AMD1: variants seen among roughly 807,000 people sequenced by gnomAD.
The protein encoded by AMD1 is S-adenosylmethionine decarboxylase proenzyme.
A neutral mutation model predicts 40.2 loss-of-function variants in AMD1; 11 were observed. The observed-to-expected ratio is 0.27, with a 90% CI of 0.17 to 0.45. The LOEUF (loss-of-function observed/expected upper bound fraction) is 0.45, where lower values mean the gene tolerates loss of function less well. Among genes scored for constraint, AMD1 ranks in the 20% least tolerant of loss-of-function variants. AMD1 has a pLI of 1.00. For synonymous variants in AMD1, 121 were observed against 130.8 expected, an observed-to-expected ratio of 0.93 and a Z score of 0.51; for missense variants, 257 against 410.2, an observed-to-expected ratio of 0.63 and a Z score of 3.23.
At chr6:110,860,721 A>C in the AMD1 span, among the ~76,000 whole-genome samples, 2 of 152,060 alleles carry the variant, frequency 1.3e-5, no homozygotes, top group South Asian at 4.1e-4. Context: ...AATCCCTTGA[A>C]CACGGGAGGT....
In AMD1 at chr6:110,894,848, CT is replaced by C. The variant is rs1245228941; in HGVS notation, c.*1234del. ...TGTTCCTCTTAACTACGGTGTTTCCCTTACCATGGCATTCATAGGATGAAAT... is the reference window on the plus strand; with the variant it reads ...TGTTCCTCTTAACTACGGTGTTTCCCTACCATGGCATTCATAGGATGAAAT... On this transcript the variant is annotated 3_prime_UTR_variant, in exon 9 of 9. Coordinates refer to ENST00000368885, the MANE Select transcript of AMD1 (RefSeq NM_001634.6). 1.3e-5 allele frequency: 2 copies of C among 152,138 alleles called. No homozygotes were observed. The highest frequency in any genetic ancestry group is 2.9e-5 in the Non-Finnish European group (2 of 68,022). The allele number at this position is 152,138 out of a possible 1,614,324, so 9.4% of individuals were successfully genotyped here. A position where few individuals can be genotyped will look rare whatever the true frequency, so the allele number is the denominator to read the frequency against.
rs1173524215 is a variant in AMD1, at chr6:110,880,919, G to GC, written c.110+5706dup. ...ACTCCTGACCTCAAGTGATCCGCCT[G>GC]CCTCGGGCTCCCAAAATGCATTTAA... On this transcript the variant is annotated intron_variant, in intron 1 of 8. Coordinates refer to ENST00000368885, the MANE Select transcript of AMD1 (RefSeq NM_001634.6). Among the ~76,000 whole-genome samples the GC allele has an allele frequency of 2.6e-5, 4 of 152,168 alleles. No homozygotes were observed. The East Asian group carries it at 7.7e-4, about 29-fold the overall frequency.
At chr6:110,885,431 T>TTTTG (rs915973919) in intron 1 of AMD1, among the ~76,000 whole-genome samples, 12 of 151,914 alleles carry the variant, frequency 7.9e-5, no homozygotes, top group African/African-American at 2.9e-4. Context: ...GTTGTTTTTG[T>TTTTG]TTTGTTTGTT....
At chr6:110,874,742 G>T (rs1170324689), upstream of AMD1, 3 of 167,758 alleles carry the variant, frequency 1.8e-5, no homozygotes, top group South Asian at 1.4e-4. Flanking sequence ...GGTCTTTTGG[G>T]GGGAGCCGGG....
the AMD1 span, among the ~76,000 whole-genome samples, chr6:110,840,477 G>A: frequency 1.3e-5 from 2 of 152,002 alleles, no homozygotes; most frequent in African/African-American, 2.4e-5. Context: ...GAACACTTAC[G>A]TTTACCAGTT....
At chr6:110,824,403 G>A in the AMD1 span, among the ~76,000 whole-genome samples, 1 of 152,074 alleles carries the variant, frequency 6.6e-6, no homozygotes, top group African/African-American at 2.4e-5. Flanking sequence ...TGATATAATG[G>A]ACACTGGAGA....
chr6:110,859,216 C>A, the AMD1 span: 1 of 635,430 alleles, frequency 1.6e-6, no homozygotes, highest in Non-Finnish European at 2.6e-6. Flanking sequence ...GTGTTTTCAT[C>A]TTTTTTTTTC....
the AMD1 span, among the ~76,000 whole-genome samples, chr6:110,834,090 C>T: frequency 6.6e-6 from 1 of 152,108 alleles, no homozygotes; most frequent in Non-Finnish European, 1.5e-5. Flanking sequence ...GCCATCATGC[C>T]CAGCCAATTT....
the AMD1 span, among the ~76,000 whole-genome samples, chr6:110,827,939 G>C: frequency 6.6e-6 from 1 of 151,980 alleles, no homozygotes; most frequent in Non-Finnish European, 1.5e-5. Flanking sequence ...TGTTTTTATT[G>C]TCATTTTTTT....
At chr6:110,890,158 T>C in intron 3 of AMD1, 96 bp from the exon 4 acceptor site, 1 of 921,418 alleles carries the variant, frequency 1.1e-6, no homozygotes, top group Non-Finnish European at 1.6e-6. Context: ...TTGCCGAGTT[T>C]TTGATATGTG....
At chr6:110,893,194 T>C (rs1786129570) in intron 8 of AMD1, 129 bp downstream of exon 8, 1 of 956,150 alleles carries the variant, frequency 1.0e-6, no homozygotes, top group Non-Finnish European at 1.5e-6. Context: ...AGAAGTAATA[T>C]TGTTTGAGGT....
the AMD1 span, among the ~76,000 whole-genome samples, chr6:110,837,310 T>TAA: frequency 4.0e-5 from 4 of 100,968 alleles, no homozygotes; most frequent in East Asian, 2.8e-4. Context: ...TATTTAAAAC[T>TAA]AAAAAAAAAA....
chr6:110,890,019 G>A (rs1229959092), intron 3 of AMD1: 1 of 401,612 alleles, frequency 2.5e-6, no homozygotes, highest in African/African-American at 2.1e-5. Context: ...AAAAAAGAGA[G>A]AGAGAGAGAG....
At chr6:110,814,731 C>G in the AMD1 span, 1 of 619,130 alleles carries the variant, frequency 1.6e-6, no homozygotes, top group South Asian at 1.5e-5. Context: ...CAACTCGAGT[C>G]CCCCCGCCGT....
the AMD1 span, among the ~76,000 whole-genome samples, chr6:110,843,482 CA>C: frequency 6.8e-6 from 1 of 147,044 alleles, no homozygotes; most frequent in African/African-American, 2.5e-5. Context: ...AAAAAAAAGT[CA>C]AAAAACACAC....
the AMD1 span, among the ~76,000 whole-genome samples, chr6:110,834,853 G>T: frequency 6.6e-6 from 1 of 150,826 alleles, no homozygotes; most frequent in East Asian, 2.0e-4. Context: ...GGAGGCTGAG[G>T]CAGGAGAATC....
chr6:110,818,324 T>A, the AMD1 span, among the ~76,000 whole-genome samples: 14 of 152,182 alleles, frequency 9.2e-5, no homozygotes, highest in East Asian at 2.7e-3. Flanking sequence ...CTCAAAGTTG[T>A]TTGTGAGGAA....
chr6:110,831,645 C>G, the AMD1 span, among the ~76,000 whole-genome samples: 1 of 151,966 alleles, frequency 6.6e-6, no homozygotes, highest in Non-Finnish European at 1.5e-5. Flanking sequence ...CTTAAGGCCT[C>G]TTGTCAATTC....
rs1785005210 is a variant in AMD1, at chr6:110,874,804, C to T, written c.-302C>T. On this transcript the variant is annotated 5_prime_UTR_variant, in exon 1 of 9. Transcript: ENST00000368885. Reference sequence around the variant, plus strand: ...GCTCTCGCTTACACAGTATGGCCGGCGACATTAGCTAGCGCTCGCTCTACT... The same window carrying T: ...GCTCTCGCTTACACAGTATGGCCGGTGACATTAGCTAGCGCTCGCTCTACT... 1.0e-5 allele frequency: 3 copies of T among 291,150 alleles called. No individual in the cohort carries two copies. Among genetic ancestry groups the T allele is most frequent in the Middle Eastern group, 1.1e-3 (1 of 942 alleles). The allele number at this position is 291,150 out of a possible 1,614,324, so 18.0% of individuals were successfully genotyped here.
Sources: allele counts gnomAD v4.1 joint callset (sites outside exome capture counted in the v4.1 genomes callset), GRCh38; gene constraint gnomAD v4.1.1; transcripts MANE v1.5; gene names NCBI Gene and HGNC (gene_info 2026-07-23, HGNC 2026-07-21).